The following ROR1 variants were observed in gnomAD, a reference collection of about 807,000 sequenced individuals.
The protein encoded by ROR1 is ROR family WNT receptor 1.
In ROR1, 19 loss-of-function variants were observed where a neutral mutation model predicts 78.8. That is an observed-to-expected ratio of 0.24 (90% CI 0.17 to 0.35). The LOEUF (loss-of-function observed/expected upper bound fraction) is 0.35, where lower values mean the gene tolerates loss of function less well. Ranked by LOEUF, ROR1 falls within the 10% of genes least tolerant of loss-of-function variation. The probability of loss-of-function intolerance (pLI) is 1.00; values close to 1 mark genes in which losing one functional copy is unlikely to be tolerated. For synonymous variants in ROR1, 386 were observed against 433.6 expected, an observed-to-expected ratio of 0.89 and a Z score of 1.36; for missense variants, 917 against 1,177.8, an observed-to-expected ratio of 0.78 and a Z score of 3.24.
intron 4 of ROR1, among the ~76,000 whole-genome samples, chr1:64,112,374 A>T (rs1229264209): frequency 1.3e-5 from 2 of 152,020 alleles, no homozygotes; most frequent in African/African-American, 2.4e-5. Flanking sequence ...CAGAAAAAAA[A>T]AGTTAACTTG....
chr1:63,827,717 G>A (rs572820758), intron 1 of ROR1, among the ~76,000 whole-genome samples: 9 of 152,276 alleles, frequency 5.9e-5, no homozygotes, highest in East Asian at 1.9e-4. Context: ...AAGTTTTCAC[G>A]TTTGGCTTCC....
At chr1:64,159,276 C>T (rs989873358) in intron 8 of ROR1, 84 bp downstream of exon 8, 9 of 1,052,184 alleles carry the variant, frequency 8.6e-6, no homozygotes, top group South Asian at 1.3e-5. Context: ...GCTTGGAAAT[C>T]GAATGATATG....
chr1:64,019,861 G>A (rs1646550029), intron 2 of ROR1, among the ~76,000 whole-genome samples: 1 of 152,146 alleles, frequency 6.6e-6, no homozygotes, highest in Admixed American at 6.5e-5. Flanking sequence ...TTTGGAAAAG[G>A]GGTTTTGCAC....
At chr1:63,903,585 A>G (rs1172679498) in intron 1 of ROR1, among the ~76,000 whole-genome samples, 1 of 151,904 alleles carries the variant, frequency 6.6e-6, no homozygotes, top group African/African-American at 2.4e-5. Context: ...CCACCCTCCC[A>G]TCATTTCCAC....
intron 1 of ROR1, among the ~76,000 whole-genome samples, chr1:63,885,793 G>A (rs749760064): frequency 6.6e-6 from 1 of 152,124 alleles, no homozygotes; most frequent in Non-Finnish European, 1.5e-5. Flanking sequence ...ACCCTCATAT[G>A]TTAGATCAGT....
In ROR1 at chr1:63,774,504, C is replaced by T; in HGVS notation, c.87C>T (p.Ala29=). Residue 29 remains alanine (A), a synonymous_variant, in exon 1 of 9, where the codon GCC becomes GCT. Transcript: ENST00000371079. This position sits in a 1 kb window ranked among gnomAD's most constrained non-coding sequence, Gnocchi z 5.7. Reference sequence around the variant, plus strand: ...TGCTGGCCGCACGCGGGGCTGCTGCCCAAGGTAAGAGGCGCCCGCCGGCCC... The same window carrying T: ...TGCTGGCCGCACGCGGGGCTGCTGCTCAAGGTAAGAGGCGCCCGCCGGCCC... ...ALLLAARGAA[A]QETELSVSAE... The T allele has an allele frequency of 8.8e-7, 1 of 1,136,554 alleles. No individual in the cohort carries two copies. Among genetic ancestry groups the T allele is most frequent in the Non-Finnish European group, 1.1e-6 (1 of 931,110 alleles). 70.4% of individuals were successfully genotyped at this position (1,136,554 alleles called of 1,614,324 possible). A position where few individuals can be genotyped will look rare whatever the true frequency, so the allele number is the denominator to read the frequency against.
chr1:63,882,935 T>C (rs986130016), intron 1 of ROR1, among the ~76,000 whole-genome samples: 2 of 149,010 alleles, frequency 1.3e-5, no homozygotes, highest in Non-Finnish European at 2.9e-5. Context: ...TTAAGGACTG[T>C]CTTCAAATAT....
At chr1:64,087,057 T>A (rs1320954221) in intron 4 of ROR1, among the ~76,000 whole-genome samples, 1 of 152,090 alleles carries the variant, frequency 6.6e-6, no homozygotes, top group Non-Finnish European at 1.5e-5. Context: ...CTGAAACATA[T>A]AGAGAATATC....
chr1:64,049,621 G>C (rs1646811651), intron 2 of ROR1, 70 bp from the exon 3 acceptor site: 1 of 1,367,284 alleles, frequency 7.3e-7, no homozygotes, highest in Admixed American at 1.8e-5. Context: ...TACACTGGAG[G>C]GGATTTGGCT....
chr1:63,831,153 AC>A, intron 1 of ROR1, among the ~76,000 whole-genome samples: 1 of 152,256 alleles, frequency 6.6e-6, no homozygotes, highest in East Asian at 1.9e-4. Flanking sequence ...GAGTGCCTGC[AC>A]CTTTTCCAGG....
intron 1 of ROR1, among the ~76,000 whole-genome samples, chr1:63,942,010 A>T (rs189737110): frequency 7.6e-4 from 114 of 150,698 alleles, no homozygotes; most frequent in African/African-American, 2.7e-3. Flanking sequence ...CAGAGTGAAG[A>T]TTCAAATTCA....
intron 7 of ROR1, among the ~76,000 whole-genome samples, chr1:64,145,108 G>A (rs1328756061): frequency 8.6e-5 from 13 of 152,026 alleles, no homozygotes; most frequent in African/African-American, 2.2e-4. Context: ...AAATCGATTC[G>A]AATTATCACA....
chr1:64,075,970 CA>C, intron 4 of ROR1, among the ~76,000 whole-genome samples: 1 of 152,314 alleles, frequency 6.6e-6, no homozygotes, highest in East Asian at 1.9e-4. Context: ...ACTTTTCCAG[CA>C]GTGGGTTTCC....
chr1:63,802,380 T>TA (rs1644802794), intron 1 of ROR1, among the ~76,000 whole-genome samples: 1 of 152,146 alleles, frequency 6.6e-6, no homozygotes, highest in South Asian at 2.1e-4. Flanking sequence ...GGAGGTTGGT[T>TA]AAAAAAACTT....
chr1:64,010,354 G>T (rs1488279027), intron 2 of ROR1, among the ~76,000 whole-genome samples: 5 of 148,588 alleles, frequency 3.4e-5, no homozygotes, highest in African/African-American at 1.3e-4. Context: ...TTGTAGGAGG[G>T]TTTCTATCTT....
chr1:63,978,037 C>A (rs2100505394), intron 1 of ROR1, among the ~76,000 whole-genome samples: 2 of 152,208 alleles, frequency 1.3e-5, no homozygotes, highest in South Asian at 2.1e-4. Context: ...ACAACAGGCC[C>A]CTCCTTTTAT....
chr1:63,880,179 A>T (rs72928789), intron 1 of ROR1, among the ~76,000 whole-genome samples: 5,500 of 152,254 alleles, frequency 0.036, 325 homozygotes, highest in African/African-American at 0.13. Context: ...GTGATGATGC[A>T]TGTATAATGC....
intron 2 of ROR1, among the ~76,000 whole-genome samples, chr1:64,019,984 C>G (rs1646551875): frequency 1.3e-5 from 2 of 152,014 alleles, no homozygotes; most frequent in South Asian, 4.2e-4. Flanking sequence ...TAGATGGACC[C>G]ACAGAGGAGG....
chr1:64,005,814 A>G (rs1040647186), intron 1 of ROR1, among the ~76,000 whole-genome samples: 2 of 152,198 alleles, frequency 1.3e-5, no homozygotes, highest in Admixed American at 1.3e-4. Context: ...TTTTCAGGGA[A>G]GTTATTCATA....
Sources: allele counts gnomAD v4.1 joint callset (sites outside exome capture counted in the v4.1 genomes callset), GRCh38; gene constraint gnomAD v4.1.1; non-coding constraint Gnocchi (gnomAD v3.1); transcripts MANE v1.5; gene names NCBI Gene and HGNC (gene_info 2026-07-23, HGNC 2026-07-21).